Variants in SAYSD1 observed in about 807,000 individuals in gnomAD.
The protein encoded by SAYSD1 is SAYSVFN motif domain containing 1.
In SAYSD1, 15 loss-of-function variants were observed where a neutral mutation model predicts 14.5. The ratio of observed to expected loss-of-function variants is 1.03; its 90% CI spans 0.69 to 1.59. The LOEUF (loss-of-function observed/expected upper bound fraction) is 1.59, where lower values mean the gene tolerates loss of function less well. Among genes scored for constraint, SAYSD1 ranks in the 40% most tolerant of loss-of-function variants. The pLI is 0.00. For missense variants in SAYSD1, 247 were observed against 227.3 expected, an observed-to-expected ratio of 1.09 and a Z score of -0.56; for synonymous variants, 105 against 102.6, an observed-to-expected ratio of 1.02 and a Z score of -0.14.
At chr6:39,112,093 T>A (rs2113740342) in intron 1 of SAYSD1, 1 of 152,202 alleles carries the variant, frequency 6.6e-6, no homozygotes, top group Middle Eastern at 3.4e-3. Context: ...AAAAAAGATC[T>A]GATGCATGAA....
chr6:39,108,426 G>A (rs560361854), intron 1 of SAYSD1, among the ~76,000 whole-genome samples: 1 of 150,308 alleles, frequency 6.7e-6, no homozygotes, highest in South Asian at 2.2e-4. Flanking sequence ...ATGGGTGTGG[G>A]GGTGGGGGGG....
chr6:39,107,552 T>C (rs762760248), intron 1 of SAYSD1, among the ~76,000 whole-genome samples: 6 of 152,262 alleles, frequency 3.9e-5, no homozygotes, highest in Non-Finnish European at 5.9e-5. Context: ...TCCCCTATTC[T>C]TCTTCACGTG....
rs536490284 is a variant in SAYSD1 at position 39,109,420 on chromosome 6, T to C, written c.208-3644A>G. 3.3e-5 allele frequency: 51 copies of C among 1,549,544 alleles called. No homozygotes were observed. In the South Asian group the frequency reaches 6.1e-4, roughly 18 times the overall value. ...TGGGAAGGAGGATGTAGATACTTCC[T>C]CATCAATGACTGCTGAAAAGATGCA... On this transcript the variant is annotated intron_variant, in intron 1 of 1. Coordinates refer to ENST00000229903, the MANE Select transcript of SAYSD1 (RefSeq NM_018322.3).
chr6:39,109,213 A>C, intron 1 of SAYSD1: 1 of 1,097,812 alleles, frequency 9.1e-7, no homozygotes, highest in Non-Finnish European at 1.4e-6. Flanking sequence ...GTGGATGGGT[A>C]TGGGAAATGG....
At chr6:39,113,613 G>GT (rs1210205538) in intron 1 of SAYSD1, 1 of 152,618 alleles carries the variant, frequency 6.6e-6, no homozygotes, top group Non-Finnish European at 1.5e-5. Context: ...AATAATGGAA[G>GT]TTTTTCTCTG....
At chr6:39,112,550 C>G (rs1393561775) in intron 1 of SAYSD1, 3 of 152,276 alleles carry the variant, frequency 2.0e-5, no homozygotes, top group Admixed American at 6.5e-5. Context: ...GAGCAACTTT[C>G]CGAAGCTCGA....
intron 1 of SAYSD1, chr6:39,111,365 A>C (rs1769622086): frequency 6.6e-6 from 1 of 152,112 alleles, no homozygotes; most frequent in Admixed American, 6.5e-5. Flanking sequence ...CCACAGGTTG[A>C]AGAAGCTAGA....
At chr6:39,108,902 T>C (rs1769569041) in intron 1 of SAYSD1, among the ~76,000 whole-genome samples, 1 of 152,202 alleles carries the variant, frequency 6.6e-6, no homozygotes, top group South Asian at 2.1e-4. Flanking sequence ...ATAGCATTTA[T>C]CTGGTTTTGT....
In SAYSD1 at chr6:39,115,080, G is replaced by T. The variant is rs370887607; in HGVS notation, c.10C>A (p.Arg4=). 4 of 1,605,774 alleles carry T rather than the reference G, an allele frequency of 2.5e-6. No individual in the cohort carries two copies. The highest frequency in any genetic ancestry group is 2.2e-5 in the South Asian group (2 of 90,948). The change falls in exon 1 of 2, where the codon CGG becomes AGG. Residue 4 remains arginine (R), a synonymous_variant. Transcript: ENST00000229903. ...CGCGCCGCCCGAAACTCAGCTAACC[G>T]CTGTTCCATGGCGCGCGCCTCGCGT... The part of the protein sequence containing the change: MEQ[R]LAEFRAARKR...
chr6:39,109,232 G>GC, intron 1 of SAYSD1: 2 of 1,286,744 alleles, frequency 1.6e-6, no homozygotes, highest in African/African-American at 1.5e-5. Flanking sequence ...GGGTTCTGGG[G>GC]CAGGGTGGTG....
rs752885476 is a variant in SAYSD1, at chr6:39,115,043, C to G, written c.47G>C (p.Gly16Ala). Residue 16 changes from glycine to alanine, a missense_variant, in exon 1 of 2, where the codon GGT becomes GCT. Gly to Ala is a moderately conservative substitution (Grantham distance 60). Coordinates refer to ENST00000229903, the MANE Select transcript of SAYSD1 (RefSeq NM_018322.3). ...GGCAGCAGGGGGTTGGGCCGCCAGA[C>G]CCGCCCGTTTCCGCGCCGCCCGAAA... Reference protein sequence around the residue: ...AEFRAARKRAGLAAQPPAASQ... With the variant: ...AEFRAARKRAALAAQPPAASQ... 8.7e-6 allele frequency: 14 copies of G among 1,611,922 alleles called. No homozygotes were observed. The highest frequency in any genetic ancestry group is 4.2e-6 in the Non-Finnish European group (5 of 1,179,880).
chr6:39,111,445 T>C (rs967809418), intron 1 of SAYSD1: 1 of 151,580 alleles, frequency 6.6e-6, no homozygotes, highest in Admixed American at 6.6e-5. Context: ...CTGACGATGA[T>C]GATAAATTAA....
intron 1 of SAYSD1, chr6:39,109,448 G>T (rs144314525): frequency 1.3e-4 from 206 of 1,541,794 alleles, no homozygotes; most frequent in Non-Finnish European, 1.7e-4. Flanking sequence ...AAGATGCAGC[G>T]GCATTGTCAG....
chr6:39,111,265 A>G (rs1179124369), intron 1 of SAYSD1: 2 of 152,256 alleles, frequency 1.3e-5, no homozygotes, highest in East Asian at 3.8e-4. Flanking sequence ...AGCAATAGAA[A>G]GGAAGAACGA....
intron 1 of SAYSD1, among the ~76,000 whole-genome samples, chr6:39,105,979 G>T (rs190683393): frequency 1.3e-5 from 2 of 152,296 alleles, no homozygotes; most frequent in East Asian, 3.9e-4. Context: ...TCAGCACTTA[G>T]TGAGATGTGA....
Position 39,109,677 on chromosome 6 carries a change from G to A in SAYSD1, c.208-3901C>T. 2.8e-6 allele frequency: 3 copies of A among 1,073,964 alleles called. No homozygotes were observed. The South Asian group carries it at 7.9e-5, about 28-fold the overall frequency. 66.5% of individuals were successfully genotyped at this position (1,073,964 alleles called of 1,614,324 possible). The stretch of plus-strand genomic sequence containing the variant: ...ATCTCCATGCCTGAGATTAAAAGGT[G>A]TGGGACTTCCTCTACCAGGCTCATT... On this transcript the variant is annotated intron_variant, in intron 1 of 1. Coordinates refer to ENST00000229903, the MANE Select transcript of SAYSD1 (RefSeq NM_018322.3).
chr6:39,114,941 C>G lies in SAYSD1; in HGVS notation c.149G>C (p.Arg50Pro), dbSNP rs528925283. Residue 50 changes from arginine (R) to proline (P), a missense_variant, in exon 1 of 2, where the codon CGG (arginine) becomes CCG (proline). Transcript: ENST00000229903. The part of the protein sequence containing the change: ...TLKAAPGWLK[R>P]FLVWKPRPAS... ...GGGCCTAGGTTTCCATACCAGGAAC[C>G]GCTTTAGCCAGCCTGGGGCTGCCTT... is the stretch of plus-strand genomic sequence containing the variant. The G allele has an allele frequency of 1.2e-6, 2 of 1,613,764 alleles. No homozygotes were observed. The highest frequency in any genetic ancestry group is 1.7e-5 in the Admixed American group (1 of 60,034).
intron 1 of SAYSD1, chr6:39,113,630 GTT>G (rs1304346921): frequency 6.6e-6 from 1 of 152,598 alleles, no homozygotes. Context: ...TCTGAATTCA[GTT>G]TCTCTGGGTC....
At chr6:39,109,203 G>T in intron 1 of SAYSD1, 1 of 1,028,888 alleles carries the variant, frequency 9.7e-7, no homozygotes, top group Non-Finnish European at 1.5e-6. Context: ...GTCAGGAGTG[G>T]TGGATGGGTA....
Sources: allele counts gnomAD v4.1 joint callset (sites outside exome capture counted in the v4.1 genomes callset), GRCh38; gene constraint gnomAD v4.1.1; transcripts MANE v1.5; gene names NCBI Gene and HGNC (gene_info 2026-07-23, HGNC 2026-07-21).